ASCC3: variants seen among roughly 807,000 people sequenced by gnomAD.
ASCC3 encodes activating signal cointegrator 1 complex subunit 3, also known as ASC-1 complex subunit P200.
ASCC3 carries 158 observed loss-of-function variants against 256.3 expected under a neutral mutation model. The observed-to-expected ratio is 0.62, with a 90% CI of 0.54 to 0.70. ASCC3 has a LOEUF of 0.70. Ranked by LOEUF, ASCC3 falls within the 30% of genes least tolerant of loss-of-function variation. ASCC3 has a pLI of 0.00. For synonymous variants in ASCC3, 948 were observed against 883.4 expected, an observed-to-expected ratio of 1.07 and a Z score of -1.30; for missense variants, 2,259 against 2,626.0, an observed-to-expected ratio of 0.86 and a Z score of 3.05.
intron 3 of ASCC3, among the ~76,000 whole-genome samples, chr6:100,849,430 A>G (rs868621739): frequency 7.9e-5 from 12 of 152,184 alleles, no homozygotes; most frequent in African/African-American, 2.2e-4. Flanking sequence ...TCAAATATCT[A>G]TAATTTTCTT....
At chr6:100,867,179 C>G (rs1157812874) in intron 2 of ASCC3, among the ~76,000 whole-genome samples, 1 of 151,996 alleles carries the variant, frequency 6.6e-6, no homozygotes, top group Admixed American at 6.6e-5. Flanking sequence ...GTGATAATTG[C>G]CCATTTTTGA....
intron 14 of ASCC3, among the ~76,000 whole-genome samples, chr6:100,666,152 T>C (rs1321783581): frequency 7.2e-5 from 11 of 152,160 alleles, no homozygotes; most frequent in Non-Finnish European, 7.4e-5. Flanking sequence ...AATATCTCAT[T>C]CCTTTTTATT....
At chr6:100,567,387 G>A (rs1770322683) in intron 36 of ASCC3, among the ~76,000 whole-genome samples, 1 of 152,104 alleles carries the variant, frequency 6.6e-6, no homozygotes, top group South Asian at 2.1e-4. Flanking sequence ...TGGTTGCACA[G>A]TATTTCATTG....
At chr6:100,738,041 CAT>C (rs781680981) in intron 10 of ASCC3, among the ~76,000 whole-genome samples, 9 of 152,148 alleles carry the variant, frequency 5.9e-5, no homozygotes, top group Non-Finnish European at 1.2e-4. Flanking sequence ...AGTGTCTGTT[CAT>C]GTCCTTTGCC....
intron 30 of ASCC3, among the ~76,000 whole-genome samples, chr6:100,611,205 G>T (rs983572016): frequency 1.3e-5 from 2 of 152,012 alleles, no homozygotes; most frequent in Admixed American, 1.3e-4. Context: ...TATCTGAACT[G>T]GCAAAGACTT....
At chr6:100,744,883 G>A (rs1371884927) in intron 10 of ASCC3, among the ~76,000 whole-genome samples, 1 of 152,192 alleles carries the variant, frequency 6.6e-6, no homozygotes, top group Non-Finnish European at 1.5e-5. Flanking sequence ...ATTGGTTCAA[G>A]AATCAGGAAA....
chr6:100,774,347 G>A lies in ASCC3; in HGVS notation c.1396-7002C>T, dbSNP rs565737858. 7.9e-5 allele frequency among the ~76,000 whole-genome samples: 12 copies of A among 151,516 alleles called. No individual in the cohort carries two copies. The East Asian group carries it at 2.1e-3, about 27-fold the overall frequency. ...ACATGACACGTACATGTCATGACAC[G>A]TGCATGTCACCACACCTGACTAACT... On this transcript the variant is annotated intron_variant, in intron 8 of 41. Transcript: ENST00000369162.
Position 100,540,289 on chromosome 6 carries a change from T to C in ASCC3, c.5649A>G (p.Ser1883=). 6.2e-7 allele frequency: 1 copy of C among 1,613,820 alleles called. No homozygotes were observed. Among genetic ancestry groups the C allele is most frequent in the Non-Finnish European group, 8.5e-7 (1 of 1,179,958 alleles). Residue 1883 remains serine, a synonymous_variant, in exon 37 of 42, where the codon TCA becomes TCG. Coordinates refer to ENST00000369162, the MANE Select transcript of ASCC3 (RefSeq NM_006828.4). ...KCLPIESNPH[S]FDSPHTKAHL... is the part of the protein sequence containing the mutation. ...GTGCTTTGGTGTGAGGGCTGTCAAATGAATGAGGATTTGATTCAATGGGAA... is the reference window on the plus strand; with the variant it reads ...GTGCTTTGGTGTGAGGGCTGTCAAACGAATGAGGATTTGATTCAATGGGAA...
At chr6:100,807,142 T>C (rs1770224849) in intron 4 of ASCC3, among the ~76,000 whole-genome samples, 1 of 151,852 alleles carries the variant, frequency 6.6e-6, no homozygotes, top group East Asian at 1.9e-4. Flanking sequence ...TGCAATATAT[T>C]GTAATAAAAA....
intron 13 of ASCC3, among the ~76,000 whole-genome samples, chr6:100,684,422 C>G (rs1322624213): frequency 6.6e-6 from 1 of 152,190 alleles, no homozygotes; most frequent in African/African-American, 2.4e-5. Flanking sequence ...AATCCCCTTC[C>G]TGACTATATA....
intron 36 of ASCC3, among the ~76,000 whole-genome samples, chr6:100,577,296 G>C (rs1770922451): frequency 6.6e-6 from 1 of 151,926 alleles, no homozygotes; most frequent in Admixed American, 6.6e-5. Flanking sequence ...TAATAAATCA[G>C]ATGGAACCTC....
At chr6:100,683,309 C>A (rs910678256) in intron 13 of ASCC3, among the ~76,000 whole-genome samples, 8 of 152,052 alleles carry the variant, frequency 5.3e-5, no homozygotes, top group Non-Finnish European at 8.8e-5. Context: ...TAAGGGAAAA[C>A]AGAATACAAC....
intron 36 of ASCC3, among the ~76,000 whole-genome samples, chr6:100,578,532 C>G (rs908289713): frequency 6.6e-6 from 1 of 151,914 alleles, no homozygotes; most frequent in Non-Finnish European, 1.5e-5. Context: ...GGTTTTCTAT[C>G]CCTGTGTTTC....
Position 100,667,528 on chromosome 6 carries a change from C to A in ASCC3, c.2287-4992G>T, listed in dbSNP as rs546287944. Among the ~76,000 whole-genome samples, 35 of 152,088 alleles carry A rather than the reference C, an allele frequency of 2.3e-4. No homozygotes were observed. The South Asian group carries it at 6.7e-3, about 29-fold the overall frequency. On this transcript the variant is annotated intron_variant, in intron 14 of 41. Transcript: ENST00000369162. ...GTTGTGCTAAGACCAGAGCAGGTAT[C>A]GGCCACTACAGCAATCTGCAGAAGA...
chr6:100,810,929 C>A (rs1770432821), intron 4 of ASCC3, among the ~76,000 whole-genome samples: 1 of 152,044 alleles, frequency 6.6e-6, no homozygotes, highest in Non-Finnish European at 1.5e-5. Flanking sequence ...ATAGTCTAGA[C>A]AAAATAATAA....
At chr6:100,740,158 C>T (rs570354362) in intron 10 of ASCC3, among the ~76,000 whole-genome samples, 11 of 152,310 alleles carry the variant, frequency 7.2e-5, no homozygotes, top group African/African-American at 2.6e-4. Context: ...TTTGAAAGAA[C>T]TTCTTGATTT....
chr6:100,837,112 T>C (rs910069440), intron 4 of ASCC3, among the ~76,000 whole-genome samples: 9 of 151,898 alleles, frequency 5.9e-5, no homozygotes, highest in Non-Finnish European at 1.0e-4. Context: ...CCAACAGGTA[T>C]AGGAAAAAAA....
Position 100,672,486 on chromosome 6 carries a change from G to T in ASCC3, c.2286+7132C>A, listed in dbSNP as rs9498047. Among the ~76,000 whole-genome samples, 843 of 152,126 alleles carry T rather than the reference G, an allele frequency of 5.5e-3. 10 individuals are homozygous for T. Among genetic ancestry groups the T allele is most frequent in the African/African-American group, 0.02 (813 of 41,558 alleles). On this transcript the variant is annotated intron_variant, in intron 14 of 41. Coordinates refer to ENST00000369162, the MANE Select transcript of ASCC3 (RefSeq NM_006828.4). The stretch of plus-strand genomic sequence containing the variant: ...CAGGCAAGATCTGGATGATGGAAAT[G>T]AAGAGATAACTATCTCTTATTGTGT...
At position 100,607,230 on chromosome 6, in the gene ASCC3, A is replaced by C. The variant is rs1772942953; in HGVS notation, c.4786-142T>G. On this transcript the variant is annotated intron_variant, in intron 30 of 41. Coordinates refer to ENST00000369162, the MANE Select transcript of ASCC3 (RefSeq NM_006828.4). ...TAAGTCCTATATACAGTTATGATTA[A>C]AGTTCAACTAACTGAAAAGAATATC... is the stretch of plus-strand genomic sequence containing the variant. 7.2e-6 allele frequency: 6 copies of C among 833,636 alleles called. No homozygotes were observed. The Admixed American group carries it at 1.5e-4, about 21-fold the overall frequency. The allele number at this position is 833,636 out of a possible 1,614,324, so 51.6% of individuals were successfully genotyped here.
Sources: allele counts gnomAD v4.1 joint callset (sites outside exome capture counted in the v4.1 genomes callset), GRCh38; gene constraint gnomAD v4.1.1; transcripts MANE v1.5; gene names NCBI Gene and HGNC (gene_info 2026-07-23, HGNC 2026-07-21).